Variants in PPIL6 observed in about 807,000 individuals in gnomAD.
The protein encoded by PPIL6 is probable inactive peptidyl-prolyl cis-trans isomerase-like 6.
Under a neutral mutation model 36.8 loss-of-function variants are expected in PPIL6, and 39 were observed. That is an observed-to-expected ratio of 1.06 (90% confidence interval 0.82 to 1.38). The LOEUF (loss-of-function observed/expected upper bound fraction) is 1.38, where lower values mean the gene tolerates loss of function less well. PPIL6 is among the 40% of genes most tolerant of loss of function. The pLI is 0.00. For synonymous variants in PPIL6, 123 were observed against 134.1 expected, an observed-to-expected ratio of 0.92 and a Z score of 0.57; for missense variants, 368 against 379.1, an observed-to-expected ratio of 0.97 and a Z score of 0.24.
At chr6:109,402,886 A>C (rs1006962368) in intron 6 of PPIL6, 12 of 568,822 alleles carry the variant, frequency 2.1e-5, no homozygotes, top group Non-Finnish European at 3.5e-5. Flanking sequence ...TGTATGCATC[A>C]AATAAAATGA....
upstream of PPIL6, chr6:109,440,996 C>A: frequency 1.1e-6 from 1 of 929,540 alleles, no homozygotes; most frequent in Admixed American, 2.2e-5. Context: ...GGCTTGGTGC[C>A]CACCTGTGCG....
chr6:109,432,256 G>A (rs1460732709), intron 2 of PPIL6, among the ~76,000 whole-genome samples: 2 of 152,050 alleles, frequency 1.3e-5, no homozygotes, highest in Admixed American at 6.6e-5. Context: ...GACTTACGAG[G>A]GTCAACAGGG....
At chr6:109,411,955 A>G (rs779096506) in intron 6 of PPIL6, among the ~76,000 whole-genome samples, 2 of 152,214 alleles carry the variant, frequency 1.3e-5, no homozygotes, top group Non-Finnish European at 2.9e-5. Flanking sequence ...ATGAGGTAGG[A>G]GGCAGGACTT....
intron 6 of PPIL6, among the ~76,000 whole-genome samples, chr6:109,408,171 T>C (rs969812415): frequency 2.2e-4 from 34 of 152,244 alleles, no homozygotes; most frequent in African/African-American, 8.2e-4. Context: ...TCAGTTTGAC[T>C]GGATATAAAA....
chr6:109,433,314 C>A (rs974343470), intron 2 of PPIL6, among the ~76,000 whole-genome samples: 1 of 152,210 alleles, frequency 6.6e-6, no homozygotes, highest in African/African-American at 2.4e-5. Flanking sequence ...GCCTCGGCCT[C>A]CCAAAGTGTT....
chr6:109,419,358 A>G (rs1773426153), intron 5 of PPIL6, 115 bp from the exon 6 acceptor site: 1 of 670,344 alleles, frequency 1.5e-6, no homozygotes, highest in Admixed American at 2.3e-5. Context: ...AGGTGGGATG[A>G]TCACTGGAGC....
chr6:109,393,802 C>T (rs1415629833), intron 7 of PPIL6, among the ~76,000 whole-genome samples: 2 of 152,220 alleles, frequency 1.3e-5, no homozygotes, highest in Non-Finnish European at 2.9e-5. Context: ...GGCATGGTCA[C>T]CTCCTGGTCT....
intron 2 of PPIL6, among the ~76,000 whole-genome samples, chr6:109,433,377 C>G (rs150808364): frequency 6.6e-6 from 1 of 152,036 alleles, no homozygotes; most frequent in Non-Finnish European, 1.5e-5. Flanking sequence ...ACTTTCTAAA[C>G]GGGAGAAAAA....
intron 5 of PPIL6, among the ~76,000 whole-genome samples, chr6:109,424,375 G>C (rs1225373670): frequency 6.6e-6 from 1 of 152,174 alleles, no homozygotes; most frequent in Non-Finnish European, 1.5e-5. Flanking sequence ...GAGGTCAGAA[G>C]ATAAGATGTG....
intron 6 of PPIL6, among the ~76,000 whole-genome samples, chr6:109,410,853 G>A (rs903355894): frequency 1.3e-5 from 2 of 152,094 alleles, no homozygotes; most frequent in Non-Finnish European, 2.9e-5. Context: ...TGGGAAGGTG[G>A]GAGTACTGCC....
At chr6:109,440,701 CGGCCCGTGGCGGCTG>C (rs1774808515), upstream of PPIL6, 1 of 736,388 alleles carries the variant, frequency 1.4e-6, no homozygotes, top group South Asian at 6.5e-5. Flanking sequence ...GGGTCGAGGG[CGGCCCGTGGCGGCTG>C]GGCCTTTCCT....
rs185431007 is a variant in PPIL6, at chr6:109,436,543, A to T, written c.136-344T>A. 2.5e-3 allele frequency among the ~76,000 whole-genome samples: 387 copies of T among 152,150 alleles called. 6 individuals are homozygous for T. Among genetic ancestry groups the T allele is most frequent in the Non-Finnish European group, 8.4e-4 (57 of 68,000 alleles). On this transcript the variant is annotated intron_variant, in intron 1 of 7. Coordinates refer to ENST00000521072, the MANE Select transcript of PPIL6 (RefSeq NM_173672.5). Reference sequence around the variant, plus strand: ...GACCAGCCTGGCCAACATGGCAAAAACGTGTCTCTACTAAAAATACAAAAA... The same window carrying T: ...GACCAGCCTGGCCAACATGGCAAAATCGTGTCTCTACTAAAAATACAAAAA...
chr6:109,416,451 C>G (rs1773258937), intron 6 of PPIL6, among the ~76,000 whole-genome samples: 1 of 151,452 alleles, frequency 6.6e-6, no homozygotes, highest in Non-Finnish European at 1.5e-5. Context: ...GATCCACCCG[C>G]CTCAGCCTCC....
chr6:109,439,552 T>G (rs1774674088), intron 1 of PPIL6, among the ~76,000 whole-genome samples: 1 of 152,180 alleles, frequency 6.6e-6, no homozygotes, highest in Middle Eastern at 3.2e-3. Flanking sequence ...AAACGGGGTT[T>G]CACCATGTTG....
At chr6:109,423,937 G>A (rs780196119) in intron 5 of PPIL6, among the ~76,000 whole-genome samples, 5 of 152,068 alleles carry the variant, frequency 3.3e-5, no homozygotes, top group Non-Finnish European at 5.9e-5. Context: ...CTCAAGCACT[G>A]TTGTAGTACG....
At position 109,440,471 on chromosome 6, in the gene PPIL6, C is replaced by T; in HGVS notation, c.120G>A (p.Ala40=). The T allele has an allele frequency of 6.5e-7, 1 of 1,539,382 alleles. No individual in the cohort carries two copies. The highest frequency in any genetic ancestry group is 2.0e-5 in the Admixed American group (1 of 50,406). Residue 40 remains alanine (A), a synonymous_variant, in exon 1 of 8, where the codon GCG becomes GCA. Transcript: ENST00000521072. ...GLFSCPNFQI[A]KSAAENLKNN... ...CTGTGGTTACCTCAGCGGCGCTCTT[C>T]GCAATCTGAAAGTTGGGGCAGCTGA...
At chr6:109,401,959 G>A (rs1045800921) in intron 6 of PPIL6, among the ~76,000 whole-genome samples, 5 of 151,820 alleles carry the variant, frequency 3.3e-5, no homozygotes, top group South Asian at 2.1e-4. Flanking sequence ...TCGTGACCTC[G>A]TGATCTACCC....
chr6:109,419,418 T>TAA (rs367886820), intron 5 of PPIL6, among the ~76,000 whole-genome samples, 175 bp from the exon 6 acceptor site: 7 of 140,524 alleles, frequency 5.0e-5, no homozygotes, highest in African/African-American at 1.0e-4. Flanking sequence ...CCATCTCGAT[T>TAA]AAAAAAAAAA....
In PPIL6 at chr6:109,419,175, A is replaced by G; in HGVS notation, c.688+12T>C. On this transcript the variant is annotated intron_variant, in intron 6 of 7. Transcript: ENST00000521072. ...AACTAATATATAACTAACAAAATGT[A>G]AAGATACATACCTTCAAATGTTGGA... 6.7e-7 allele frequency: 1 copy of G among 1,496,332 alleles called. No homozygotes were observed. Among genetic ancestry groups the G allele is most frequent in the Non-Finnish European group, 9.3e-7 (1 of 1,073,702 alleles). 92.7% of individuals were successfully genotyped at this position (1,496,332 alleles called of 1,614,324 possible). A position where few individuals can be genotyped will look rare whatever the true frequency, so the allele number is the denominator to read the frequency against.
Sources: gnomAD v4.1 joint callset for allele counts (sites outside exome capture counted in the v4.1 genomes callset) on GRCh38, gnomAD v4.1.1 for gene constraint, MANE v1.5 for transcripts, NCBI Gene and HGNC (gene_info 2026-07-23, HGNC 2026-07-21) for gene names.